PTBP3: variants seen among roughly 807,000 people sequenced by gnomAD.
The protein encoded by PTBP3 is polypyrimidine tract binding protein 3, also known as polypyrimidine tract-binding protein 3.
In PTBP3, 20 loss-of-function variants were observed where a neutral mutation model predicts 58.7. That is an observed-to-expected ratio of 0.34 (90% CI 0.24 to 0.50). The LOEUF (loss-of-function observed/expected upper bound fraction) is 0.50, where lower values mean the gene tolerates loss of function less well. Ranked by LOEUF, PTBP3 falls within the 20% of genes least tolerant of loss-of-function variation. PTBP3 has a pLI of 0.98. For missense variants in PTBP3, 509 were observed against 637.2 expected, an observed-to-expected ratio of 0.80 and a Z score of 2.17; for synonymous variants, 185 against 219.8, an observed-to-expected ratio of 0.84 and a Z score of 1.40.
At chr9:112,333,148 A>T in intron 1 of PTBP3, 1 of 1,228,968 alleles carries the variant, frequency 8.1e-7, no homozygotes. Context: ...GGCTCCCCGG[A>T]CTCGGGGCGC....
At chr9:112,226,198 T>C (rs1459983126) in intron 12 of PTBP3, among the ~76,000 whole-genome samples, 1 of 152,088 alleles carries the variant, frequency 6.6e-6, no homozygotes, top group Non-Finnish European at 1.5e-5. Flanking sequence ...TTTTTTTTTT[T>C]TTCCTTGACT....
intron 7 of PTBP3, among the ~76,000 whole-genome samples, chr9:112,235,233 T>G (rs1287098637): frequency 6.6e-6 from 1 of 152,120 alleles, no homozygotes; most frequent in Non-Finnish European, 1.5e-5. Flanking sequence ...GGGGTAACTA[T>G]GCTGATTTAA....
the PTBP3 span, among the ~76,000 whole-genome samples, chr9:112,342,385 G>A: frequency 2.0e-5 from 3 of 152,126 alleles, no homozygotes; most frequent in Non-Finnish European, 4.4e-5. Flanking sequence ...TAATACAGTC[G>A]TCTTCACAGA....
At chr9:112,354,937 C>T in the PTBP3 span, among the ~76,000 whole-genome samples, 6 of 152,136 alleles carry the variant, frequency 3.9e-5, no homozygotes, top group Admixed American at 2.0e-4. Context: ...GCGTGGAAAA[C>T]GTACATGTAC....
chr9:112,348,708 T>C, the PTBP3 span, among the ~76,000 whole-genome samples: 1 of 152,240 alleles, frequency 6.6e-6, no homozygotes, highest in Non-Finnish European at 1.5e-5. Flanking sequence ...TTACTTCGTT[T>C]CATTCCTGCT....
chr9:112,352,525 C>T, the PTBP3 span, among the ~76,000 whole-genome samples: 1 of 152,202 alleles, frequency 6.6e-6, no homozygotes, highest in African/African-American at 2.4e-5. Context: ...CAAGATACAT[C>T]TTCTCTTCTT....
At chr9:112,246,174 G>C (rs974107276) in intron 7 of PTBP3, among the ~76,000 whole-genome samples, 1 of 151,568 alleles carries the variant, frequency 6.6e-6, no homozygotes, top group African/African-American at 2.4e-5. Context: ...GTAGAGACAG[G>C]GTTTCACCAT....
intron 5 of PTBP3, among the ~76,000 whole-genome samples, chr9:112,257,204 G>C (rs1483657281): frequency 6.6e-6 from 1 of 152,134 alleles, no homozygotes; most frequent in East Asian, 1.9e-4. Context: ...TAGCACTCTA[G>C]TCCCCTGGAT....
the PTBP3 span, among the ~76,000 whole-genome samples, chr9:112,355,641 T>TTTGGGGG: frequency 6.7e-6 from 1 of 149,738 alleles, no homozygotes. Flanking sequence ...TTTTTTTTTT[T>TTTGGGGG]GTGGAGGGTG....
chr9:112,365,072 A>G, the PTBP3 span, among the ~76,000 whole-genome samples: 2 of 152,190 alleles, frequency 1.3e-5, no homozygotes, highest in African/African-American at 4.8e-5. Flanking sequence ...CACTTAGCAT[A>G]ATGTCTTCCA....
Position 112,262,603 on chromosome 9 carries a change from T to G in PTBP3, c.352-4A>C, listed in dbSNP as rs968240609. 3 of 1,557,000 alleles carry G rather than the reference T, an allele frequency of 1.9e-6. No homozygotes were observed. Among genetic ancestry groups the G allele is most frequent in the Non-Finnish European group, 2.6e-6 (3 of 1,155,026 alleles). Reference sequence around the variant, plus strand: ...CCTGCAGTGCAGCTTGGGCTCGCTATAGAACAACCCAAAATGAGAACTTTT... The same window carrying G: ...CCTGCAGTGCAGCTTGGGCTCGCTAGAGAACAACCCAAAATGAGAACTTTT... On this transcript the variant is annotated splice_polypyrimidine_tract_variant and splice_region_variant and intron_variant, in intron 4 of 13. Transcript: ENST00000374257.
At chr9:112,224,070 A>G (rs932343342) in intron 13 of PTBP3, 63 bp downstream of exon 13, 60 of 1,549,106 alleles carry the variant, frequency 3.9e-5, no homozygotes, top group Admixed American at 1.3e-4. Context: ...TCACTGAACT[A>G]CCTTTAAAAT....
At chr9:112,372,907 T>TC in the PTBP3 span, among the ~76,000 whole-genome samples, 1 of 151,852 alleles carries the variant, frequency 6.6e-6, no homozygotes, top group Non-Finnish European at 1.5e-5. Context: ...TTCTTTTTTT[T>TC]TTTTTTTTGA....
chr9:112,257,607 G>T, intron 5 of PTBP3, among the ~76,000 whole-genome samples: 1 of 152,126 alleles, frequency 6.6e-6, no homozygotes, highest in South Asian at 2.1e-4. Context: ...GGTAGAATTT[G>T]TCAGAAACTG....
the PTBP3 span, among the ~76,000 whole-genome samples, chr9:112,355,124 T>A: frequency 6.6e-6 from 1 of 152,148 alleles, no homozygotes; most frequent in African/African-American, 2.4e-5. Context: ...ATATTTTAAA[T>A]CAAATGAATA....
Position 112,221,255 on chromosome 9 carries a change from A to G in PTBP3, c.*2596T>C. ...ACTTTAGAAGAGTGTATTTATGTAT[A>G]TACACTTATCTACACACACACACAT... On this transcript the variant is annotated 3_prime_UTR_variant, in exon 14 of 14. Coordinates refer to ENST00000374257, the MANE Select transcript of PTBP3 (RefSeq NM_001163788.4). 1.0e-6 allele frequency: 1 copy of G among 985,092 alleles called. No homozygotes were observed. Among genetic ancestry groups the G allele is most frequent in the Non-Finnish European group, 1.2e-6 (1 of 829,348 alleles). 61.0% of individuals were successfully genotyped at this position (985,092 alleles called of 1,614,324 possible).
intron 10 of PTBP3, among the ~76,000 whole-genome samples, chr9:112,229,904 C>T (rs575287907): frequency 7.8e-4 from 118 of 152,250 alleles, no homozygotes; most frequent in African/African-American, 2.7e-3. Context: ...TGGTATGAAA[C>T]ATGCTTTGGC....
intron 1 of PTBP3, among the ~76,000 whole-genome samples, chr9:112,302,080 C>T (rs1828959154): frequency 6.6e-6 from 1 of 152,074 alleles, no homozygotes; most frequent in Non-Finnish European, 1.5e-5. Context: ...GTCCAGAAGG[C>T]ATCCCTTCAA....
At chr9:112,307,887 T>C (rs1270561916) in intron 1 of PTBP3, among the ~76,000 whole-genome samples, 2 of 152,266 alleles carry the variant, frequency 1.3e-5, no homozygotes, top group African/African-American at 4.8e-5. Context: ...CGGCACAGGA[T>C]GGCTTTGAGT....
Sources: gnomAD v4.1 joint callset for allele counts (sites outside exome capture counted in the v4.1 genomes callset) on GRCh38, gnomAD v4.1.1 for gene constraint, MANE v1.5 for transcripts, NCBI Gene and HGNC (gene_info 2026-07-23, HGNC 2026-07-21) for gene names.